Variants in NCKAP5 observed in about 807,000 individuals in gnomAD.
NCKAP5 encodes the protein NCK associated protein 5.
A neutral mutation model predicts 167.0 loss-of-function variants in NCKAP5; 92 were observed. The ratio of observed to expected loss-of-function variants is 0.55; its 90% CI spans 0.47 to 0.66. The LOEUF is 0.66. NCKAP5 is among the 30% of genes least tolerant of loss of function. The pLI, the probability that NCKAP5 is intolerant of heterozygous loss-of-function variation, is 0.00. For missense variants in NCKAP5, 2,378 were observed against 2,315.0 expected, an observed-to-expected ratio of 1.03 and a Z score of -0.56; for synonymous variants, 891 against 877.4, an observed-to-expected ratio of 1.02 and a Z score of -0.27.
intron 7 of NCKAP5, among the ~76,000 whole-genome samples, chr2:132,974,381 A>G (rs1157999598): frequency 6.6e-6 from 1 of 152,212 alleles, no homozygotes; most frequent in Non-Finnish European, 1.5e-5. Context: ...AGAACACAAA[A>G]GACATAATAA....
intron 15 of NCKAP5, among the ~76,000 whole-genome samples, chr2:132,780,710 G>T (rs1030533271): frequency 1.3e-5 from 2 of 152,110 alleles, no homozygotes; most frequent in African/African-American, 4.8e-5. Flanking sequence ...GGTGATGTTA[G>T]AAATAATCAT....
intron 7 of NCKAP5, among the ~76,000 whole-genome samples, chr2:132,983,619 A>T (rs1039909397): frequency 1.3e-5 from 2 of 152,174 alleles, no homozygotes; most frequent in Non-Finnish European, 2.9e-5. Flanking sequence ...CCCTATGTTA[A>T]TCTAGCTATT....
chr2:133,496,246 T>C (rs7575707), intron 3 of NCKAP5, among the ~76,000 whole-genome samples: 1 of 152,134 alleles, frequency 6.6e-6, no homozygotes, highest in African/African-American at 2.4e-5. Flanking sequence ...AGGTGATACA[T>C]GGGCACCTCT....
At chr2:133,025,980 C>T (rs983090092) in intron 6 of NCKAP5, among the ~76,000 whole-genome samples, 1 of 152,126 alleles carries the variant, frequency 6.6e-6, no homozygotes, top group African/African-American at 2.4e-5. Context: ...TCTCCCTCCC[C>T]CTCTCCTCCG....
chr2:133,116,263 G>A (rs1426227757), intron 6 of NCKAP5, among the ~76,000 whole-genome samples: 5 of 86,058 alleles, frequency 5.8e-5, no homozygotes, highest in South Asian at 3.4e-4. Flanking sequence ...CGAGGCGGGC[G>A]GATCACGAGG....
At position 132,783,208 on chromosome 2, in the gene NCKAP5, G is replaced by C. The variant is rs767416445; in HGVS notation, c.3603C>G (p.Ile1201Met). ...GGGTCACATTTCTTTCACCCGCTGTGATCTCCATGCTTGCTGGATTCTTGG... is the reference window on the plus strand; with the variant it reads ...GGGTCACATTTCTTTCACCCGCTGTCATCTCCATGCTTGCTGGATTCTTGG... ...EDSKNPASME[I>M]TAGERNVTLP... The change falls in exon 14 of 20, where the codon ATC becomes ATG. Residue 1201 changes from isoleucine (I) to methionine (M), a missense_variant. Transcript: ENST00000409261. 5.1e-5 allele frequency: 83 copies of C among 1,613,862 alleles called. No homozygotes were observed. In the South Asian group the frequency reaches 8.9e-4, roughly 17 times the overall value.
intron 4 of NCKAP5, among the ~76,000 whole-genome samples, chr2:133,262,729 A>T (rs1382679762): frequency 6.6e-6 from 1 of 152,230 alleles, no homozygotes; most frequent in Non-Finnish European, 1.5e-5. Context: ...ATCTACAGAA[A>T]CCCAACAGGA....
At chr2:133,182,269 AAC>A (rs2084770631) in intron 5 of NCKAP5, among the ~76,000 whole-genome samples, 1 of 152,248 alleles carries the variant, frequency 6.6e-6, no homozygotes, top group African/African-American at 2.4e-5. Flanking sequence ...ACATTTATGG[AAC>A]AGTCTACCCA....
chr2:132,736,399 A>T (rs13420532), intron 16 of NCKAP5, among the ~76,000 whole-genome samples: 3,777 of 152,252 alleles, frequency 0.025, 135 homozygotes, highest in African/African-American at 0.085. Flanking sequence ...GAACTCACAA[A>T]ATAATCAAAT....
At chr2:133,045,058 A>C (rs928964423) in intron 6 of NCKAP5, among the ~76,000 whole-genome samples, 5 of 152,040 alleles carry the variant, frequency 3.3e-5, no homozygotes, top group Admixed American at 6.5e-5. Flanking sequence ...TGTAGAAAGA[A>C]GAAAAAAAAA....
intron 6 of NCKAP5, among the ~76,000 whole-genome samples, chr2:133,049,940 A>G (rs76934771): frequency 0.012 from 1,883 of 152,326 alleles, 37 homozygotes; most frequent in African/African-American, 0.04. Flanking sequence ...GGGACAAAGG[A>G]GACATTCATA....
chr2:133,474,347 G>A (rs1180311127), intron 3 of NCKAP5, among the ~76,000 whole-genome samples: 3 of 152,102 alleles, frequency 2.0e-5, no homozygotes, highest in Non-Finnish European at 2.9e-5. Context: ...ATCTTAAAGA[G>A]TTGACCTCAC....
intron 15 of NCKAP5, among the ~76,000 whole-genome samples, chr2:132,774,478 TA>T (rs1457782213): frequency 2.2e-5 from 3 of 137,610 alleles, no homozygotes; most frequent in Non-Finnish European, 4.7e-5. Flanking sequence ...TTTATCTAGA[TA>T]TTTTTTTTTG....
intron 5 of NCKAP5, among the ~76,000 whole-genome samples, chr2:133,138,110 A>G (rs1046697993): frequency 6.6e-5 from 10 of 151,886 alleles, no homozygotes; most frequent in African/African-American, 2.2e-4. Flanking sequence ...TGGTACTGAT[A>G]GTGCTTGGTA....
intron 16 of NCKAP5, among the ~76,000 whole-genome samples, chr2:132,751,863 A>C (rs186485860): frequency 2.4e-4 from 36 of 152,328 alleles, no homozygotes; most frequent in East Asian, 1.5e-3. Context: ...AGATGTACAA[A>C]GGAAGACCTA....
chr2:132,812,694 A>T (rs1685974928), intron 11 of NCKAP5, among the ~76,000 whole-genome samples: 1 of 152,172 alleles, frequency 6.6e-6, no homozygotes, highest in South Asian at 2.1e-4. Context: ...TACTCAGGAG[A>T]GGGGGGCTGT....
At chr2:132,760,583 CT>C (rs146530113) in intron 16 of NCKAP5, among the ~76,000 whole-genome samples, 1,533 of 151,908 alleles carry the variant, frequency 0.01, 25 homozygotes, top group African/African-American at 0.035. Flanking sequence ...TTGCTTTTTT[CT>C]GACTCTCACT....
At chr2:133,050,506 A>T (rs559371655) in intron 6 of NCKAP5, among the ~76,000 whole-genome samples, 2 of 152,204 alleles carry the variant, frequency 1.3e-5, no homozygotes, top group Non-Finnish European at 2.9e-5. Context: ...CCTGTTTGTA[A>T]AATGAAAACC....
At chr2:133,231,126 T>C (rs1027227937) in intron 4 of NCKAP5, among the ~76,000 whole-genome samples, 7 of 152,206 alleles carry the variant, frequency 4.6e-5, no homozygotes, top group Admixed American at 1.3e-4. Flanking sequence ...CTCATTTTAG[T>C]GACAAGAAAT....
Sources: allele counts gnomAD v4.1 joint callset (sites outside exome capture counted in the v4.1 genomes callset), GRCh38; gene constraint gnomAD v4.1.1; transcripts MANE v1.5; gene names NCBI Gene and HGNC (gene_info 2026-07-23, HGNC 2026-07-21).